SCARB2: variants seen among roughly 807,000 people sequenced by gnomAD.
The protein encoded by SCARB2 is scavenger receptor class B member 2, also known as lysosome membrane protein 2.
In SCARB2, 29 loss-of-function variants were observed where a neutral mutation model predicts 58.6. That is an observed-to-expected ratio of 0.49 (90% CI 0.37 to 0.67). The LOEUF is 0.67. SCARB2 is among the 30% of genes least tolerant of loss of function. The pLI is 0.00. For missense variants in SCARB2, 488 were observed against 578.5 expected (o/e 0.84, Z 1.60); for synonymous variants, 195 against 210.1 (o/e 0.93, Z 0.62).
chr4:76,216,756 ATC>A (rs1392400352), upstream of SCARB2, among the ~76,000 whole-genome samples: 3 of 152,170 alleles, frequency 2.0e-5, no homozygotes, highest in Non-Finnish European at 2.9e-5. Context: ...CCGAATGAAA[ATC>A]TCTTTCTTGG....
chr4:76,206,193 C>T (rs112833420), intron 1 of SCARB2, among the ~76,000 whole-genome samples: 18 of 152,210 alleles, frequency 1.2e-4, no homozygotes, highest in Admixed American at 3.9e-4. Flanking sequence ...CCAAATCTGC[C>T]GGGGCCTTGA....
At chr4:76,163,092 G>A (rs1034525641) in intron 11 of SCARB2, 133 bp downstream of exon 11, 56 of 1,172,448 alleles carry the variant, frequency 4.8e-5, no homozygotes, top group Middle Eastern at 3.8e-4. Flanking sequence ...AAATAAGCAC[G>A]AAATCACTAT....
At position 76,223,359 on chromosome 4, in the gene SCARB2, C is replaced by T. The variant is rs989340959; in HGVS notation, c.-358+10944G>A. 5.5e-4 allele frequency among the ~76,000 whole-genome samples: 83 copies of T among 152,118 alleles called. 2 individuals carry two copies. Among genetic ancestry groups the T allele is most frequent in the Non-Finnish European group, 2.5e-4 (17 of 68,028 alleles). On this transcript the variant is annotated intron_variant, in intron 1 of 11. Transcript: ENST00000638295. ...GTAATCTGCATCCTGGGGAGTGGTACAGTAGCCCACCCCTTATTGGGTCCT... is the reference window on the plus strand; with the variant it reads ...GTAATCTGCATCCTGGGGAGTGGTATAGTAGCCCACCCCTTATTGGGTCCT...
chr4:76,197,360 C>A (rs759275249), intron 1 of SCARB2, among the ~76,000 whole-genome samples: 9 of 152,348 alleles, frequency 5.9e-5, no homozygotes, highest in Non-Finnish European at 1.2e-4. Context: ...AAGTTTCTAT[C>A]TGCCACCTTG....
chr4:76,161,404 A>G lies in SCARB2; in HGVS notation c.*309T>C, dbSNP rs1731894122. ...GTGATGCAGAGACATTTTACCCACA[A>G]TAGTGGTCACAAAATTCTGGAGCTA... On this transcript the variant is annotated 3_prime_UTR_variant, in exon 12 of 12. Transcript: ENST00000264896. The G allele has an allele frequency of 4.5e-6, 2 of 448,316 alleles. No homozygotes were observed. The highest frequency in any genetic ancestry group is 2.0e-5 in the African/African-American group (1 of 50,524). The allele number at this position is 448,316 out of a possible 1,614,324, so 27.8% of individuals were successfully genotyped here. A position where few individuals can be genotyped will look rare whatever the true frequency, so the allele number is the denominator to read the frequency against.
At chr4:76,167,033 C>A (rs1366490976) in intron 9 of SCARB2, among the ~76,000 whole-genome samples, 3 of 152,128 alleles carry the variant, frequency 2.0e-5, no homozygotes, top group Non-Finnish European at 4.4e-5. Flanking sequence ...AGTTTTGCAT[C>A]CTGTTTATTT....
At chr4:76,214,203 G>A (rs1214155211), upstream of SCARB2, 1 of 454,180 alleles carries the variant, frequency 2.2e-6, no homozygotes, top group African/African-American at 2.0e-5. Flanking sequence ...GCGCTCGCAA[G>A]TTAGCGGGGA....
chr4:76,229,665 T>C (rs1173973748), intron 1 of SCARB2, among the ~76,000 whole-genome samples: 2 of 152,192 alleles, frequency 1.3e-5, no homozygotes, highest in Non-Finnish European at 2.9e-5. Context: ...TGCTGAGAAA[T>C]ACCTGATTCC....
At chr4:76,203,406 A>G (rs1197115821) in intron 1 of SCARB2, among the ~76,000 whole-genome samples, 2 of 152,226 alleles carry the variant, frequency 1.3e-5, no homozygotes, top group African/African-American at 4.8e-5. Context: ...ATGAGCAACC[A>G]TTTCAGCATA....
At chr4:76,226,932 T>C (rs960338140) in intron 1 of SCARB2, among the ~76,000 whole-genome samples, 18 of 152,340 alleles carry the variant, frequency 1.2e-4, no homozygotes, top group African/African-American at 4.1e-4. Context: ...TTGGTTAATC[T>C]CACTAATGGT....
Position 76,174,128 on chromosome 4 carries a change from C to CT in SCARB2, c.994+15dup, listed in dbSNP as rs1273361774. On this transcript the variant is annotated intron_variant, in intron 7 of 11. Transcript: ENST00000264896. ...ATTCTTGACACCCCTATCATGTCCC[C>CT]TCTCTGAGTTCTTACCATTCTTGCA... 2 of 1,613,204 alleles carry CT rather than the reference C, an allele frequency of 1.2e-6. No homozygotes were observed. The highest frequency in any genetic ancestry group is 3.3e-5 in the Admixed American group (2 of 60,026).
intron 2 of SCARB2, chr4:76,192,253 T>C (rs778332159): frequency 1.3e-5 from 2 of 152,166 alleles, no homozygotes; most frequent in Non-Finnish European, 2.9e-5. Flanking sequence ...GTTTGCAATG[T>C]CTTAAAGACT....
intron 2 of SCARB2, among the ~76,000 whole-genome samples, chr4:76,188,164 G>T (rs949899116): frequency 2.0e-4 from 30 of 152,194 alleles, no homozygotes; most frequent in African/African-American, 7.2e-4. Context: ...ATAGAAAAAG[G>T]TATCTGACAA....
intron 2 of SCARB2, among the ~76,000 whole-genome samples, chr4:76,188,761 A>T (rs573849753): frequency 1.0e-3 from 154 of 152,346 alleles, no homozygotes; most frequent in African/African-American, 3.6e-3. Context: ...CGCAAAAGGC[A>T]CATGTAGAGA....
chr4:76,195,559 A>T (rs1732693928), intron 2 of SCARB2, 148 bp downstream of exon 2: 1 of 689,854 alleles, frequency 1.4e-6, no homozygotes, highest in South Asian at 1.7e-5. Context: ...ACACACACAT[A>T]CAAAACATCA....
At chr4:76,225,892 T>C (rs945099380) in intron 1 of SCARB2, among the ~76,000 whole-genome samples, 4 of 152,356 alleles carry the variant, frequency 2.6e-5, no homozygotes, top group Admixed American at 2.0e-4. Flanking sequence ...ATTAGGGTGA[T>C]ACTGGCTTCA....
At chr4:76,175,683 T>A (rs566892188) in intron 6 of SCARB2, 108 bp downstream of exon 6, 3 of 1,326,842 alleles carry the variant, frequency 2.3e-6, no homozygotes, top group Non-Finnish European at 3.2e-6. Context: ...TGATTATGCA[T>A]AAATATCCAT....
intron 2 of SCARB2, among the ~76,000 whole-genome samples, chr4:76,183,139 A>G (rs1448803103): frequency 1.3e-5 from 2 of 152,090 alleles, no homozygotes; most frequent in African/African-American, 4.8e-5. Flanking sequence ...AAAACAAACC[A>G]TTTTTTTCTG....
At chr4:76,216,606 G>GT (rs1733211908), upstream of SCARB2, among the ~76,000 whole-genome samples, 1 of 152,196 alleles carries the variant, frequency 6.6e-6, no homozygotes, top group South Asian at 2.1e-4. Context: ...TTTGATAAAT[G>GT]TATCTTAGTG....
Sources: allele counts gnomAD v4.1 joint callset (sites outside exome capture counted in the v4.1 genomes callset), GRCh38; gene constraint gnomAD v4.1.1; transcripts MANE v1.5; gene names NCBI Gene and HGNC (gene_info 2026-07-23, HGNC 2026-07-21).